Variants in KRT73 observed in about 807,000 individuals in gnomAD.
The protein encoded by KRT73 is keratin, type II cytoskeletal 73.
KRT73 carries 44 observed loss-of-function variants against 47.2 expected under a neutral mutation model. The ratio of observed to expected loss-of-function variants is 0.93; its 90% CI spans 0.73 to 1.20. The LOEUF is 1.20. Among genes scored for constraint, KRT73 ranks in the 50% most tolerant of loss-of-function variants. KRT73 has a pLI of 0.00. For synonymous variants in KRT73, 285 were observed against 291.3 expected, an observed-to-expected ratio of 0.98 and a Z score of 0.22; for missense variants, 713 against 704.5, an observed-to-expected ratio of 1.01 and a Z score of -0.14.
upstream of KRT73, among the ~76,000 whole-genome samples, chr12:52,621,229 T>G (rs556295199): frequency 1.7e-3 from 238 of 142,008 alleles, 1 homozygote; most frequent in African/African-American, 6.0e-3. Context: ...TGTCCTGCCA[T>G]TAGCCTCTGC....
intron 4 of KRT73, chr12:52,614,100 TG>T (rs1461104362): frequency 4.5e-6 from 2 of 443,258 alleles, no homozygotes; most frequent in East Asian, 3.8e-5. Flanking sequence ...AGGACAGGAG[TG>T]GGGAAGGTGG....
chr12:52,622,659 C>A (rs533406268), upstream of KRT73, among the ~76,000 whole-genome samples: 5 of 152,308 alleles, frequency 3.3e-5, no homozygotes, highest in Admixed American at 2.0e-4. Flanking sequence ...TATCCCATTT[C>A]TCTCCCTTCC....
In KRT73 at chr12:52,614,589, A is replaced by G; in HGVS notation, c.809T>C (p.Leu270Pro). The part of the protein sequence containing the change: ...LDGEIKFFKC[L>P]YEGETAQIQS... Reference sequence around the variant, plus strand: ...CAGGGGGAGCCTTACCCCCTCGTACAGACACTTGAAGAACTTGATTTCTCC... The same window carrying G: ...CAGGGGGAGCCTTACCCCCTCGTACGGACACTTGAAGAACTTGATTTCTCC... The change falls in exon 4 of 9, where the codon CTG becomes CCG. Residue 270 changes from leucine to proline, a missense_variant. Leu to Pro is a moderately conservative substitution (Grantham distance 98). Coordinates refer to ENST00000305748, the MANE Select transcript of KRT73 (RefSeq NM_175068.3). The G allele has an allele frequency of 6.2e-7, 1 of 1,613,846 alleles. No homozygotes were observed. The highest frequency in any genetic ancestry group is 8.5e-7 in the Non-Finnish European group (1 of 1,179,820).
At chr12:52,630,488 G>C in the KRT73 span, among the ~76,000 whole-genome samples, 1,499 of 152,216 alleles carry the variant, frequency 9.8e-3, 27 homozygotes, top group African/African-American at 0.035. Context: ...GCAGCACTGT[G>C]CCGAGGGCCA....
intron 7 of KRT73, chr12:52,610,412 T>C: frequency 3.3e-6 from 2 of 615,194 alleles, no homozygotes; most frequent in Admixed American, 5.2e-5. Context: ...AGCACCCAGC[T>C]AAGACTTTCT....
chr12:52,612,614 G>A (rs1940725536), intron 5 of KRT73: 1 of 152,226 alleles, frequency 6.6e-6, no homozygotes, highest in African/African-American at 2.4e-5. Flanking sequence ...TGAGCAGGAT[G>A]CCTCCCCGTA....
chr12:52,621,500 T>C (rs1367406764), upstream of KRT73, among the ~76,000 whole-genome samples: 3 of 152,184 alleles, frequency 2.0e-5, no homozygotes, highest in South Asian at 2.1e-4. Flanking sequence ...AACAGGGACC[T>C]CAGGACCCAG....
rs1302112437 is a variant in KRT73, at chr12:52,614,044, G to T, written c.820-192C>A. 3 of 743,638 alleles carry T rather than the reference G, an allele frequency of 4.0e-6. No homozygotes were observed. The African/African-American group carries it at 5.3e-5, about 13-fold the overall frequency. 46.1% of individuals were successfully genotyped at this position (743,638 alleles called of 1,614,324 possible). ...CATCTGAAAACTGCTGAATGGGTTT[G>T]AAGCAGCCCAGGAAGAAAACAGCCC... is the stretch of plus-strand genomic sequence containing the variant. On this transcript the variant is annotated intron_variant, in intron 4 of 8. Transcript: ENST00000305748.
chr12:52,612,273 T>C (rs1007330570), intron 5 of KRT73: 1 of 152,214 alleles, frequency 6.6e-6, no homozygotes, highest in African/African-American at 2.4e-5. Flanking sequence ...CCAAAACCAC[T>C]AGCCATGAAT....
chr12:52,622,652 C>T (rs1219244879), upstream of KRT73, among the ~76,000 whole-genome samples: 2 of 152,188 alleles, frequency 1.3e-5, no homozygotes, highest in Non-Finnish European at 2.9e-5. Context: ...GGCCTTCTAT[C>T]CCATTTCTCT....
At chr12:52,623,129 G>A (rs1185410496), upstream of KRT73, among the ~76,000 whole-genome samples, 2 of 152,170 alleles carry the variant, frequency 1.3e-5, no homozygotes, top group East Asian at 1.9e-4. Context: ...ACAGATTCAG[G>A]AAGCTGAGCA....
chr12:52,621,295 G>C (rs866147952), upstream of KRT73, among the ~76,000 whole-genome samples: 227 of 138,818 alleles, frequency 1.6e-3, 3 homozygotes, highest in Middle Eastern at 0.014. Flanking sequence ...AAGAAAGGGG[G>C]GGGGGGGGAG....
At chr12:52,614,771 GC>G in intron 3 of KRT73, 97 bp from the exon 4 acceptor site, 1 of 928,248 alleles carries the variant, frequency 1.1e-6, no homozygotes. Flanking sequence ...CTAGCTAGCT[GC>G]CCAGGACTTC....
chr12:52,608,299 G>A lies in KRT73; in HGVS notation c.1520C>T (p.Pro507Leu), dbSNP rs377154438. ...CAGCCTGGTCCTGGCTTCCCCACGG[G>A]GGCTACAGTTCCCACTGCCAGTGAC... is the stretch of plus-strand genomic sequence containing the variant. ...GCVTGSGNCS[P>L]RGEARTRLGS... The change falls in exon 9 of 9, where the codon CCC becomes CTC. Residue 507 changes from proline to leucine, a missense_variant. Physicochemically the swap from Pro to Leu is moderately conservative, Grantham distance 98. Transcript: ENST00000305748. 7 of 1,613,888 alleles carry A rather than the reference G, an allele frequency of 4.3e-6. No homozygotes were observed. Among genetic ancestry groups the A allele is most frequent in the South Asian group, 1.1e-5 (1 of 91,004 alleles).
Position 52,616,356 on chromosome 12 carries a change from G to A in KRT73, c.472C>T (p.Gln158Ter). 6.2e-7 allele frequency: 1 copy of A among 1,614,188 alleles called. No individual in the cohort carries two copies. Among genetic ancestry groups the A allele is most frequent in the Non-Finnish European group, 8.5e-7 (1 of 1,180,030 alleles). The change falls in exon 2 of 9, where the codon CAG becomes TAG. Residue 158 changes from glutamine to a stop codon, truncating the protein, a stop_gained. Transcript: ENST00000305748. LOFTEE classifies it high-confidence loss of function. ...DKVRFLEQQN[Q>*]VLETKWELLQ... ...AGCTCCCACTTGGTCTCCAGCACCT[G>A]GTTCTGCTGCTCCAGGAACCGCACC...
Position 52,615,359 on chromosome 12 carries a change from G to A in KRT73, c.663-20C>T. 6.2e-7 allele frequency: 1 copy of A among 1,608,268 alleles called. No individual in the cohort carries two copies. Among genetic ancestry groups the A allele is most frequent in the Non-Finnish European group, 8.5e-7 (1 of 1,174,826 alleles). On this transcript the variant is annotated intron_variant, in intron 2 of 8. Transcript: ENST00000305748. Reference sequence around the variant, plus strand: ...TCATACCTGCAGGGAAAGCATCACAGGAAGCAGAGTGTGTGTCTGTGTGTG... The same window carrying A: ...TCATACCTGCAGGGAAAGCATCACAAGAAGCAGAGTGTGTGTCTGTGTGTG...
At chr12:52,608,720 C>A (rs910106022) in intron 8 of KRT73, among the ~76,000 whole-genome samples, 2 of 152,206 alleles carry the variant, frequency 1.3e-5, no homozygotes, top group African/African-American at 4.8e-5. Flanking sequence ...GATGCTTGAG[C>A]ATCAGATAAG....
rs182478648 is a variant in KRT73 at position 52,614,834 on chromosome 12, C to T, written c.724-160G>A. 74 of 592,670 alleles carry T rather than the reference C, an allele frequency of 1.2e-4. 1 individual carries two copies. The highest frequency in any genetic ancestry group is 1.1e-3 in the African/African-American group (57 of 53,208). 36.7% of individuals were successfully genotyped at this position (592,670 alleles called of 1,614,324 possible). ...CCAGCCACAACTTCACTGTCAGACTCACTGCGAAACCTGGGGCAAGTTTCT... is the reference window on the plus strand; with the variant it reads ...CCAGCCACAACTTCACTGTCAGACTTACTGCGAAACCTGGGGCAAGTTTCT... On this transcript the variant is annotated intron_variant, in intron 3 of 8. Coordinates refer to ENST00000305748, the MANE Select transcript of KRT73 (RefSeq NM_175068.3).
chr12:52,614,982 CT>C, intron 3 of KRT73: 1 of 533,128 alleles, frequency 1.9e-6, no homozygotes, highest in East Asian at 3.0e-5. Context: ...TTGCCAGAAA[CT>C]AGCAGAGTTG....
Sources: allele counts gnomAD v4.1 joint callset (sites outside exome capture counted in the v4.1 genomes callset), GRCh38; gene constraint gnomAD v4.1.1; transcripts MANE v1.5; gene names NCBI Gene and HGNC (gene_info 2026-07-23, HGNC 2026-07-21).